The following ISG20 variants were observed in gnomAD, a reference collection of about 807,000 sequenced individuals.
ISG20 encodes the protein interferon-stimulated gene 20 kDa protein.
In ISG20, 8 loss-of-function variants were observed where a neutral mutation model predicts 11.1. That is an observed-to-expected ratio of 0.72 (90% CI 0.42 to 1.30). The LOEUF (loss-of-function observed/expected upper bound fraction) is 1.30. Ranked by LOEUF, ISG20 falls within the 50% of genes most tolerant of loss-of-function variation. ISG20 has a pLI of 0.01. For synonymous variants in ISG20, 110 were observed against 101.7 expected (o/e 1.08, Z -0.49); for missense variants, 243 against 250.2 (o/e 0.97, Z 0.19).
Position 88,655,608 on chromosome 15 carries a change from T to C in ISG20, c.*77T>C. The C allele has an allele frequency of 3.0e-6, 3 of 995,312 alleles. No individual in the cohort carries two copies. Among genetic ancestry groups the C allele is most frequent in the South Asian group, 1.4e-5 (1 of 70,252 alleles). 61.7% of individuals were successfully genotyped at this position (995,312 alleles called of 1,614,324 possible). A position where few individuals can be genotyped will look rare whatever the true frequency, so the allele number is the denominator to read the frequency against. On this transcript the variant is annotated 3_prime_UTR_variant, in exon 4 of 4. Coordinates refer to ENST00000306072, the MANE Select transcript of ISG20 (RefSeq NM_002201.6). Reference sequence around the variant, plus strand: ...CAGCAACTACCTTGCTTTTGGAAAATACATTTTTAATAGTAAAGTGGCTCT... The same window carrying C: ...CAGCAACTACCTTGCTTTTGGAAAACACATTTTTAATAGTAAAGTGGCTCT...
chr15:88,648,626 A>G (rs567914321), intron 2 of ISG20: 1 of 152,320 alleles, frequency 6.6e-6, no homozygotes, highest in African/African-American at 2.4e-5. Flanking sequence ...AATAACAACT[A>G]CAGTAACAAT....
chr15:88,654,627 T>A (rs967170273), intron 3 of ISG20, among the ~76,000 whole-genome samples: 1 of 152,210 alleles, frequency 6.6e-6, no homozygotes, highest in African/African-American at 2.4e-5. Flanking sequence ...TTGCCCTGTG[T>A]ACTCGCCTCT....
In ISG20 at chr15:88,639,148, C is replaced by G. The variant is rs992932198; in HGVS notation, c.-25+72C>G. The G allele has an allele frequency of 2.4e-5, 14 of 576,980 alleles. No homozygotes were observed. The highest frequency in any genetic ancestry group is 1.7e-4 in the African/African-American group (9 of 53,398). 35.7% of individuals were successfully genotyped at this position (576,980 alleles called of 1,614,324 possible). On this transcript the variant is annotated intron_variant, in intron 1 of 3. Coordinates refer to ENST00000306072, the MANE Select transcript of ISG20 (RefSeq NM_002201.6). This position sits in a 1 kb window ranked among gnomAD's most constrained non-coding sequence, Gnocchi z 4.2. The stretch of plus-strand genomic sequence containing the variant: ...CCTTCCCGGTCCCCAGGCTGCGGGG[C>G]AGGCCAGAGGCCCTGGGACACACGG...
At chr15:88,651,205 T>A in intron 2 of ISG20, 3 of 985,444 alleles carry the variant, frequency 3.0e-6, no homozygotes, top group Non-Finnish European at 3.6e-6. Flanking sequence ...TTTAAAATCA[T>A]CAGAGTAAGC....
intron 2 of ISG20, among the ~76,000 whole-genome samples, chr15:88,640,435 ACTC>A (rs1448140311): frequency 6.6e-6 from 1 of 151,946 alleles, no homozygotes; most frequent in Non-Finnish European, 1.5e-5. Flanking sequence ...GAGCTCATTC[ACTC>A]CTCACAAACA....
At chr15:88,636,081 T>C (rs1161402149), upstream of ISG20, 1 of 152,240 alleles carries the variant, frequency 6.6e-6, no homozygotes, top group African/African-American at 2.4e-5. Context: ...CGCCCTCCAG[T>C]GTGAGTTGTC....
chr15:88,641,220 G>A (rs1018953221), intron 2 of ISG20, among the ~76,000 whole-genome samples: 11 of 152,044 alleles, frequency 7.2e-5, no homozygotes, highest in Admixed American at 5.9e-4. Context: ...GGTCTCGCTC[G>A]AACTCCTGAC....
intron 2 of ISG20, among the ~76,000 whole-genome samples, chr15:88,644,661 G>A (rs971108009): frequency 2.0e-5 from 3 of 152,082 alleles, no homozygotes; most frequent in Non-Finnish European, 4.4e-5. Flanking sequence ...GGAAGAAAAC[G>A]TTTGGAGAGT....
At chr15:88,652,953 G>C (rs35540464) in intron 3 of ISG20, among the ~76,000 whole-genome samples, 83,937 of 151,478 alleles carry the variant, frequency 0.55, 24,673 homozygotes, top group Non-Finnish European at 0.66. Flanking sequence ...GCTGCTCCTG[G>C]GCACTGATTC....
Position 88,650,836 on chromosome 15 carries a change from C to T in ISG20, c.229-1274C>T, listed in dbSNP as rs755659687. On this transcript the variant is annotated intron_variant, in intron 2 of 3. Coordinates refer to ENST00000306072, the MANE Select transcript of ISG20 (RefSeq NM_002201.6). This position sits in a 1 kb window ranked among gnomAD's most constrained non-coding sequence, Gnocchi z 4.0. Reference sequence around the variant, plus strand: ...TCGCCCAAGCTGTAGTGCAGTGGCACGATCTCAGCTCACTTGCAATCTCCC... The same window carrying T: ...TCGCCCAAGCTGTAGTGCAGTGGCATGATCTCAGCTCACTTGCAATCTCCC... 4.5e-5 allele frequency: 7 copies of T among 153,866 alleles called. No individual in the cohort carries two copies. Among genetic ancestry groups the T allele is most frequent in the South Asian group, 2.0e-4 (1 of 5,030 alleles). 9.5% of individuals were successfully genotyped at this position (153,866 alleles called of 1,614,324 possible).
intron 2 of ISG20, among the ~76,000 whole-genome samples, chr15:88,644,938 C>T (rs926397169): frequency 6.6e-6 from 1 of 152,230 alleles, no homozygotes; most frequent in African/African-American, 2.4e-5. Context: ...TGGAAAACCG[C>T]AATTCCCTGG....
At chr15:88,637,871 G>T (rs8038865), upstream of ISG20, among the ~76,000 whole-genome samples, 2 of 151,962 alleles carry the variant, frequency 1.3e-5, no homozygotes, top group African/African-American at 4.8e-5. Context: ...TTATGCATTT[G>T]AAAAGCATAA....
At chr15:88,655,301 C>A in intron 3 of ISG20, 114 bp from the exon 4 acceptor site, 1 of 912,694 alleles carries the variant, frequency 1.1e-6, no homozygotes, top group Non-Finnish European at 1.8e-6. Flanking sequence ...GAGACTCTCA[C>A]CCACTGACCC....
intron 2 of ISG20, among the ~76,000 whole-genome samples, chr15:88,644,445 T>C (rs1051052781): frequency 6.6e-6 from 1 of 150,956 alleles, no homozygotes; most frequent in Admixed American, 6.6e-5. Flanking sequence ...GGCAGGAGAA[T>C]TGCTTGAACC....
rs1567113080 is a variant in ISG20, at chr15:88,639,488, A to G, written c.122A>G (p.Lys41Arg). ...VNVHGAVLYD[K>R]FIRPEGEITD... is the part of the protein sequence containing the mutation. ...GTCCACGGTGCTGTGCTGTACGACA[A>G]GTTCATCCGGCCTGAGGGAGAGATC... Residue 41 changes from lysine (K) to arginine (R), a missense_variant, in exon 2 of 4, where the codon AAG (lysine) becomes AGG (arginine). Physicochemically the swap from Lys to Arg is conservative, Grantham distance 26. Transcript: ENST00000306072. This position sits in a 1 kb window ranked among gnomAD's most constrained non-coding sequence, Gnocchi z 4.2. 2 of 1,614,158 alleles carry G rather than the reference A, an allele frequency of 1.2e-6. No homozygotes were observed. The highest frequency in any genetic ancestry group is 2.2e-5 in the East Asian group (1 of 44,880).
At chr15:88,651,936 A>C (rs2058280468) in intron 2 of ISG20, 174 bp from the exon 3 acceptor site, 4 of 1,433,530 alleles carry the variant, frequency 2.8e-6, no homozygotes, top group Non-Finnish European at 2.7e-6. Flanking sequence ...AGGTGTGAGG[A>C]GGGTCCTAGT....
intron 3 of ISG20, 39 bp from the exon 4 acceptor site, chr15:88,655,376 G>T: frequency 2.5e-6 from 4 of 1,580,448 alleles, no homozygotes; most frequent in Non-Finnish European, 3.5e-6. Context: ...TCTGAATTCA[G>T]CCTCATCCCA....
intron 2 of ISG20, among the ~76,000 whole-genome samples, chr15:88,645,974 A>G (rs1438664655): frequency 6.6e-6 from 1 of 152,254 alleles, no homozygotes; most frequent in Non-Finnish European, 1.5e-5. Context: ...ACTGATTTTC[A>G]TAAATACAAA....
chr15:88,652,726 GTAGAGTGAGGATGA>G (rs913531803), intron 3 of ISG20, among the ~76,000 whole-genome samples: 1 of 147,078 alleles, frequency 6.8e-6, no homozygotes, highest in African/African-American at 2.5e-5. Flanking sequence ...TCCCTGGCTG[GTAGAGTGAGGATGA>G]GGGCAGGGAA....
Sources: allele counts gnomAD v4.1 joint callset (sites outside exome capture counted in the v4.1 genomes callset), GRCh38; gene constraint gnomAD v4.1.1; non-coding constraint Gnocchi (gnomAD v3.1); transcripts MANE v1.5; gene names NCBI Gene and HGNC (gene_info 2026-07-23, HGNC 2026-07-21).